The following SGPP1 variants were observed in gnomAD, a reference collection of about 807,000 sequenced individuals.
SGPP1 encodes sphingosine-1-phosphate phosphatase 1.
Under a neutral mutation model 33.0 loss-of-function variants are expected in SGPP1, and 21 were observed. That is an observed-to-expected ratio of 0.64 (90% CI 0.45 to 0.92). The LOEUF (loss-of-function observed/expected upper bound fraction) is 0.92, where lower values mean the gene tolerates loss of function less well. Among genes scored for constraint, SGPP1 ranks in the 40% least tolerant of loss-of-function variants. The pLI is 0.00. For missense variants in SGPP1, 543 were observed against 589.4 expected (o/e 0.92, Z 0.81); for synonymous variants, 239 against 241.2 (o/e 0.99, Z 0.08).
At chr14:63,725,154 C>A (rs1193130666) in intron 1 of SGPP1, among the ~76,000 whole-genome samples, 1 of 152,162 alleles carries the variant, frequency 6.6e-6, no homozygotes, top group East Asian at 1.9e-4. Flanking sequence ...GGGTGGATCC[C>A]CTGAGGTCAG....
chr14:63,719,010 A>ATTTTT (rs1566536792), intron 1 of SGPP1, among the ~76,000 whole-genome samples: 1 of 23,470 alleles, frequency 4.3e-5, no homozygotes. Flanking sequence ...ATATATATAT[A>ATTTTT]TATATTTTTT....
chr14:63,688,315 C>CAAAAAAA (rs71120275), intron 2 of SGPP1, among the ~76,000 whole-genome samples: 2 of 31,410 alleles, frequency 6.4e-5, no homozygotes, highest in Non-Finnish European at 1.4e-4. Flanking sequence ...GACTCTGTCT[C>CAAAAAAA]AAAAAAAAAA....
intron 1 of SGPP1, among the ~76,000 whole-genome samples, chr14:63,700,112 A>G (rs1001872423): frequency 2.6e-5 from 4 of 151,466 alleles, no homozygotes; most frequent in Admixed American, 2.6e-4. Flanking sequence ...ACAGATGGGT[A>G]TCTCAAACTC....
chr14:63,686,101 T>A lies in SGPP1; in HGVS notation c.*4A>T. On this transcript the variant is annotated 3_prime_UTR_variant, in exon 3 of 3. Coordinates refer to ENST00000247225, the MANE Select transcript of SGPP1 (RefSeq NM_030791.4). ...CCTTTCTTATCATAAACAATACTTC[T>A]CCATCAAGAGATACCAATAAAGAAA... 1 of 1,544,066 alleles carries A rather than the reference T, an allele frequency of 6.5e-7. No homozygotes were observed. Among genetic ancestry groups the A allele is most frequent in the Non-Finnish European group, 8.8e-7 (1 of 1,136,802 alleles).
chr14:63,715,727 G>T (rs1353458278), intron 1 of SGPP1, among the ~76,000 whole-genome samples: 1 of 152,172 alleles, frequency 6.6e-6, no homozygotes, highest in African/African-American at 2.4e-5. Context: ...AAATCTCAGA[G>T]ACTGAGCCCT....
At chr14:63,703,777 T>C (rs1040744596) in intron 1 of SGPP1, among the ~76,000 whole-genome samples, 5 of 149,930 alleles carry the variant, frequency 3.3e-5, no homozygotes, top group African/African-American at 9.8e-5. Flanking sequence ...AAATGATCTA[T>C]AGTCAATGTA....
chr14:63,697,536 A>G (rs924485251), intron 2 of SGPP1, among the ~76,000 whole-genome samples: 2 of 152,182 alleles, frequency 1.3e-5, no homozygotes, highest in Admixed American at 6.5e-5. Context: ...GTTGGATACT[A>G]AAGGTAGAGT....
intron 1 of SGPP1, among the ~76,000 whole-genome samples, chr14:63,703,496 T>C (rs111708644): frequency 0.026 from 3,984 of 151,716 alleles, 203 homozygotes; most frequent in African/African-American, 0.091. Flanking sequence ...CCACTAAAAA[T>C]ACAAAAATTA....
chr14:63,714,748 T>C (rs13379282), intron 1 of SGPP1, among the ~76,000 whole-genome samples: 1 of 151,262 alleles, frequency 6.6e-6, no homozygotes, highest in Non-Finnish European at 1.5e-5. Context: ...TTATTTATTT[T>C]TTTTTTTTTG....
At chr14:63,725,308 A>C (rs1358852140) in intron 1 of SGPP1, among the ~76,000 whole-genome samples, 1 of 152,156 alleles carries the variant, frequency 6.6e-6, no homozygotes, top group African/African-American at 2.4e-5. Flanking sequence ...TGGGAGGCAG[A>C]GGTTGCAGTG....
chr14:63,704,746 C>T (rs1186223900), intron 1 of SGPP1, among the ~76,000 whole-genome samples: 1 of 152,116 alleles, frequency 6.6e-6, no homozygotes, highest in Admixed American at 6.6e-5. Flanking sequence ...ATCTTTATGA[C>T]TCTGGATTAG....
intron 2 of SGPP1, among the ~76,000 whole-genome samples, chr14:63,691,077 T>G (rs903189906): frequency 6.6e-6 from 1 of 152,248 alleles, no homozygotes; most frequent in African/African-American, 2.4e-5. Flanking sequence ...AGTCTCCTAT[T>G]GTACAATAGT....
intron 1 of SGPP1, among the ~76,000 whole-genome samples, chr14:63,713,978 A>AACATATCCAGAAGG (rs1358939526): frequency 1.3e-5 from 2 of 152,208 alleles, no homozygotes; most frequent in Non-Finnish European, 2.9e-5. Context: ...GCCCAGACAG[A>AACATATCCAGAAGG]ACATATCCAG....
intron 2 of SGPP1, among the ~76,000 whole-genome samples, chr14:63,693,836 A>G (rs1338843513): frequency 1.3e-5 from 2 of 151,928 alleles, no homozygotes; most frequent in East Asian, 3.9e-4. Context: ...TTGGTCTTGA[A>G]CTCCTCCCAC....
Position 63,727,435 on chromosome 14 carries a change from G to A in SGPP1, c.510C>T (p.Val170=), listed in dbSNP as rs1280939274. The A allele has an allele frequency of 6.2e-7, 1 of 1,613,966 alleles. No individual in the cohort carries two copies. The highest frequency in any genetic ancestry group is 8.5e-7 in the Non-Finnish European group (1 of 1,180,032). ...CCTTGGTGCACTGGCCCAGGTACATGACCAGCACCCAGATGACCACGAGCC... is the reference window on the plus strand; with the variant it reads ...CCTTGGTGCACTGGCCCAGGTACATAACCAGCACCCAGATGACCACGAGCC... The part of the protein sequence containing the change: ...GRRLVVIWVL[V]MYLGQCTKDI... Residue 170 remains valine, a synonymous_variant, in exon 1 of 3, where the codon GTC becomes GTT. Transcript: ENST00000247225.
chr14:63,715,943 T>C (rs1885614855), intron 1 of SGPP1, among the ~76,000 whole-genome samples: 2 of 152,174 alleles, frequency 1.3e-5, no homozygotes, highest in Non-Finnish European at 2.9e-5. Flanking sequence ...ATCATGTAAG[T>C]AGTGAAGCTA....
intron 1 of SGPP1, among the ~76,000 whole-genome samples, chr14:63,712,354 C>T (rs1483276677): frequency 2.7e-5 from 4 of 150,878 alleles, no homozygotes; most frequent in Admixed American, 2.6e-4. Context: ...TGATACTGTC[C>T]AATCTACACC....
chr14:63,700,259 C>T (rs1428312001), intron 1 of SGPP1, among the ~76,000 whole-genome samples: 1 of 152,082 alleles, frequency 6.6e-6, no homozygotes, highest in Non-Finnish European at 1.5e-5. Flanking sequence ...ACCCATTTCC[C>T]CGGGTTTAAG....
rs1002962343 is a variant in SGPP1 at position 63,685,289 on chromosome 14, A to C, written c.*816T>G. On this transcript the variant is annotated 3_prime_UTR_variant, in exon 3 of 3. Coordinates refer to ENST00000247225, the MANE Select transcript of SGPP1 (RefSeq NM_030791.4). ...ATATTTGCTTGATTATATGTAACTT[A>C]AGATAAAGTTAATGTCTTATTTTTA... The C allele has an allele frequency of 1.3e-4, 20 of 152,512 alleles. No individual in the cohort carries two copies. The highest frequency in any genetic ancestry group is 2.9e-4 in the Non-Finnish European group (20 of 67,938). 9.4% of individuals were successfully genotyped at this position (152,512 alleles called of 1,614,324 possible). A position where few individuals can be genotyped will look rare whatever the true frequency, so the allele number is the denominator to read the frequency against.
Sources: allele counts gnomAD v4.1 joint callset (sites outside exome capture counted in the v4.1 genomes callset), GRCh38; gene constraint gnomAD v4.1.1; transcripts MANE v1.5; gene names NCBI Gene and HGNC (gene_info 2026-07-23, HGNC 2026-07-21).